Variants in FAM83B observed in about 807,000 individuals in gnomAD.
The protein encoded by FAM83B is protein FAM83B.
A neutral mutation model predicts 38.8 loss-of-function variants in FAM83B; 26 were observed. The ratio of observed to expected loss-of-function variants is 0.67; its 90% confidence interval spans 0.49 to 0.93. FAM83B has a LOEUF of 0.93. Among genes scored for constraint, FAM83B ranks in the 40% least tolerant of loss-of-function variants. FAM83B has a pLI of 0.00. For synonymous variants in FAM83B, 419 were observed against 423.1 expected (o/e 0.99, Z 0.12); for missense variants, 1,237 against 1,197.3 (o/e 1.03, Z -0.49).
chr6:54,851,016 CAAAA>C (rs34700607), intron 1 of FAM83B, among the ~76,000 whole-genome samples: 24 of 83,514 alleles, frequency 2.9e-4, no homozygotes, highest in African/African-American at 4.9e-4. Context: ...AGACTCATCT[CAAAA>C]AAAAAAAAAA....
chr6:54,907,609 A>G (rs1310810608), intron 2 of FAM83B, among the ~76,000 whole-genome samples: 3 of 148,434 alleles, frequency 2.0e-5, no homozygotes, highest in African/African-American at 2.5e-5. Context: ...TGATATTTTC[A>G]TAGAGAATGT....
chr6:54,865,759 T>C (rs1251471824), intron 1 of FAM83B, among the ~76,000 whole-genome samples: 1 of 152,154 alleles, frequency 6.6e-6, no homozygotes, highest in Non-Finnish European at 1.5e-5. Flanking sequence ...CAGAAGCCTA[T>C]TCAATGAATT....
At chr6:54,920,795 G>A (rs1392504513) in intron 2 of FAM83B, among the ~76,000 whole-genome samples, 1 of 151,848 alleles carries the variant, frequency 6.6e-6, no homozygotes, top group African/African-American at 2.4e-5. Context: ...GCAATTGTAT[G>A]ACTCAGTAGA....
At chr6:54,922,200 A>G (rs1773187900) in intron 2 of FAM83B, among the ~76,000 whole-genome samples, 1 of 151,970 alleles carries the variant, frequency 6.6e-6, no homozygotes, top group Admixed American at 6.6e-5. Flanking sequence ...TATCCTAGTA[A>G]TGTGTTTTTG....
intron 1 of FAM83B, among the ~76,000 whole-genome samples, chr6:54,857,801 GATTAAGT>G (rs1255218063): frequency 6.6e-6 from 1 of 152,096 alleles, no homozygotes; most frequent in Non-Finnish European, 1.5e-5. Flanking sequence ...AGGGTACAAC[GATTAAGT>G]ATGGCAGAGA....
chr6:54,880,664 C>G (rs1772113774), intron 2 of FAM83B, among the ~76,000 whole-genome samples: 1 of 152,036 alleles, frequency 6.6e-6, no homozygotes, highest in South Asian at 2.1e-4. Flanking sequence ...AGGCTGATCT[C>G]AAACTCCTGA....
chr6:54,918,344 C>T (rs186037881), intron 2 of FAM83B, among the ~76,000 whole-genome samples: 18 of 152,198 alleles, frequency 1.2e-4, no homozygotes, highest in Admixed American at 6.5e-4. Flanking sequence ...AGTAATACAG[C>T]ACACATCTTT....
At chr6:54,921,083 C>T (rs1282414026) in intron 2 of FAM83B, among the ~76,000 whole-genome samples, 1 of 151,868 alleles carries the variant, frequency 6.6e-6, no homozygotes, top group Non-Finnish European at 1.5e-5. Context: ...GCCTCTGTAT[C>T]TTTGCAGTAC....
At chr6:54,918,803 T>C (rs1317892742) in intron 2 of FAM83B, among the ~76,000 whole-genome samples, 1 of 152,162 alleles carries the variant, frequency 6.6e-6, no homozygotes, top group Non-Finnish European at 1.5e-5. Context: ...TTTTAATTGT[T>C]TTCTGGTTGA....
Position 54,926,347 on chromosome 6 carries a change from GTTTCATA to G in FAM83B, c.445-21_445-15del. ...CTTTCTCTATCAAGGATCTAAAATT[GTTTCATA>G]TTCTTATATTTAACAGGTCATTGCT... On this transcript the variant is annotated splice_polypyrimidine_tract_variant and intron_variant, in intron 2 of 4. Coordinates refer to ENST00000306858, the MANE Select transcript of FAM83B (RefSeq NM_001010872.3). 6.9e-7 allele frequency: 1 copy of G among 1,459,150 alleles called. No homozygotes were observed. The highest frequency in any genetic ancestry group is 2.3e-5 in the East Asian group (1 of 43,304). 90.4% of individuals were successfully genotyped at this position (1,459,150 alleles called of 1,614,324 possible).
intron 2 of FAM83B, among the ~76,000 whole-genome samples, chr6:54,896,515 A>T (rs1772538942): frequency 1.3e-5 from 2 of 152,166 alleles, no homozygotes; most frequent in African/African-American, 4.8e-5. Context: ...TTGGAACACA[A>T]GAGGCCAGTC....
At chr6:54,909,981 T>G (rs1204210352) in intron 2 of FAM83B, among the ~76,000 whole-genome samples, 1 of 152,180 alleles carries the variant, frequency 6.6e-6, no homozygotes, top group Non-Finnish European at 1.5e-5. Flanking sequence ...GATGTGAAAC[T>G]AAGAAGAAAA....
At chr6:54,888,017 G>GTTT (rs60392038) in intron 2 of FAM83B, among the ~76,000 whole-genome samples, 1 of 125,276 alleles carries the variant, frequency 8.0e-6, no homozygotes, top group Non-Finnish European at 1.7e-5. Context: ...TCCTTTTTTT[G>GTTT]TTTTTTTTTT....
At chr6:54,884,823 A>G (rs1772230419) in intron 2 of FAM83B, among the ~76,000 whole-genome samples, 1 of 148,644 alleles carries the variant, frequency 6.7e-6, no homozygotes, top group Admixed American at 6.8e-5. Context: ...CCCATGCTGG[A>G]GTGCAGTGGT....
intron 2 of FAM83B, among the ~76,000 whole-genome samples, chr6:54,919,633 T>C (rs932722010): frequency 2.6e-5 from 4 of 152,044 alleles, no homozygotes; most frequent in African/African-American, 7.2e-5. Flanking sequence ...GATTATAAGT[T>C]TCAGGTCTTG....
intron 3 of FAM83B, among the ~76,000 whole-genome samples, chr6:54,927,201 G>T (rs239799): frequency 6.6e-6 from 1 of 151,864 alleles, no homozygotes; most frequent in Non-Finnish European, 1.5e-5. Flanking sequence ...TAAAAGGAAG[G>T]TTAATTTTAA....
At chr6:54,913,978 C>T (rs1010123165) in intron 2 of FAM83B, among the ~76,000 whole-genome samples, 1 of 151,466 alleles carries the variant, frequency 6.6e-6, no homozygotes, top group Non-Finnish European at 1.5e-5. Context: ...TTAATATTAT[C>T]ACATATCCAG....
chr6:54,925,259 CTCTT>C (rs1256829213), intron 2 of FAM83B, among the ~76,000 whole-genome samples: 1 of 152,158 alleles, frequency 6.6e-6, no homozygotes, highest in Non-Finnish European at 1.5e-5. Flanking sequence ...CCCTATTCTG[CTCTT>C]TTTTTTCCAA....
At chr6:54,916,455 C>T (rs181325101) in intron 2 of FAM83B, among the ~76,000 whole-genome samples, 249 of 152,184 alleles carry the variant, frequency 1.6e-3, no homozygotes, top group Middle Eastern at 6.8e-3. Context: ...CTGATTCACA[C>T]GCTCGTATTG....
Sources: gnomAD v4.1 joint callset for allele counts (sites outside exome capture counted in the v4.1 genomes callset) on GRCh38, gnomAD v4.1.1 for gene constraint, MANE v1.5 for transcripts, NCBI Gene and HGNC (gene_info 2026-07-23, HGNC 2026-07-21) for gene names.